The following EPHA7 variants were observed in gnomAD, a reference collection of about 807,000 sequenced individuals.
The protein encoded by EPHA7 is EPH receptor A7, also known as ephrin type-A receptor 7.
In EPHA7, 25 loss-of-function variants were observed where a neutral mutation model predicts 112.6. The observed-to-expected ratio is 0.22, with a 90% confidence interval of 0.16 to 0.31. The LOEUF is 0.31. Ranked by LOEUF, EPHA7 falls within the 10% of genes least tolerant of loss-of-function variation. The probability of loss-of-function intolerance (pLI) is 1.00; values close to 1 mark genes in which losing one functional copy is unlikely to be tolerated. For missense variants in EPHA7, 962 were observed against 1,212.6 expected (o/e 0.79, Z 3.07); for synonymous variants, 437 against 406.5 (o/e 1.07, Z -0.90).
intron 3 of EPHA7, among the ~76,000 whole-genome samples, chr6:93,392,157 A>C (rs1777941872): frequency 6.6e-6 from 1 of 152,108 alleles, no homozygotes; most frequent in South Asian, 2.1e-4. Context: ...ATGCTGACAA[A>C]GCAGTGAAGA....
In EPHA7 at chr6:93,332,353, C is replaced by T. The variant is rs551132444; in HGVS notation, c.1324+24364G>A. Among the ~76,000 whole-genome samples, 18 of 151,558 alleles carry T rather than the reference C, an allele frequency of 1.2e-4. No individual in the cohort carries two copies. The South Asian group carries it at 2.3e-3, about 19-fold the overall frequency. On this transcript the variant is annotated intron_variant, in intron 5 of 16. Transcript: ENST00000369303. ...ATGGTAACTATAACTCTTTTCACCC[C>T]AACTCAGGCAAATTATATTTCTAGT...
chr6:93,334,340 C>A (rs1774749972), intron 5 of EPHA7, among the ~76,000 whole-genome samples: 1 of 151,626 alleles, frequency 6.6e-6, no homozygotes, highest in Admixed American at 6.6e-5. Flanking sequence ...TAGGCCCTGG[C>A]AAAGATTTCA....
chr6:93,391,994 T>C lies in EPHA7; in HGVS notation c.832+18507A>G, dbSNP rs186505362. On this transcript the variant is annotated intron_variant, in intron 3 of 16. Coordinates refer to ENST00000369303, the MANE Select transcript of EPHA7 (RefSeq NM_004440.4). ...TTAGACTCAATTTCCTTAAATAAAA[T>C]GGAATAATCTAAATTTTTTAAATCA... is the stretch of plus-strand genomic sequence containing the variant. Among the ~76,000 whole-genome samples, 541 of 152,050 alleles carry C rather than the reference T, an allele frequency of 3.6e-3. 4 individuals are homozygous for C. Among genetic ancestry groups the C allele is most frequent in the African/African-American group, 0.012 (494 of 41,538 alleles).
intron 5 of EPHA7, among the ~76,000 whole-genome samples, chr6:93,338,503 A>C (rs1008305887): frequency 6.6e-6 from 1 of 152,164 alleles, no homozygotes; most frequent in East Asian, 1.9e-4. Context: ...TCGGTATTCC[A>C]ATAAATCATG....
chr6:93,390,026 G>A (rs960454038), intron 3 of EPHA7, among the ~76,000 whole-genome samples: 1 of 151,754 alleles, frequency 6.6e-6, no homozygotes. Flanking sequence ...ATAATACAGG[G>A]TTCTGGTTTA....
chr6:93,386,859 T>C (rs1323894573), intron 3 of EPHA7, among the ~76,000 whole-genome samples: 1 of 152,096 alleles, frequency 6.6e-6, no homozygotes, highest in Admixed American at 6.6e-5. Context: ...TGGCCCCTTT[T>C]AGCCACAGAT....
At chr6:93,249,789 GC>G (rs1459665458) in intron 14 of EPHA7, among the ~76,000 whole-genome samples, 1 of 151,920 alleles carries the variant, frequency 6.6e-6, no homozygotes, top group Non-Finnish European at 1.5e-5. Context: ...ATCTTATCAT[GC>G]CCTCTTGACA....
chr6:93,255,767 T>A lies in EPHA7; in HGVS notation c.2382+61A>T, dbSNP rs893873649. ...TGTTTAGTTTTACATTATTAGGTCC[T>A]GCTTTCGTGGTAGAAAAATCTTAAG... On this transcript the variant is annotated intron_variant, in intron 13 of 16. Transcript: ENST00000369303. 1.9e-5 allele frequency: 27 copies of A among 1,441,850 alleles called. No individual in the cohort carries two copies. In the African/African-American group the frequency reaches 3.5e-4, roughly 19 times the overall value. 89.3% of individuals were successfully genotyped at this position (1,441,850 alleles called of 1,614,324 possible). A position where few individuals can be genotyped will look rare whatever the true frequency, so the allele number is the denominator to read the frequency against.
chr6:93,349,808 G>T lies in EPHA7; in HGVS notation c.1324+6909C>A, dbSNP rs114609615. Among the ~76,000 whole-genome samples, 484 of 151,908 alleles carry T rather than the reference G, an allele frequency of 3.2e-3. 8 individuals are homozygous for T. The highest frequency in any genetic ancestry group is 0.011 in the African/African-American group (464 of 41,494). ...TTAAAAGACATATAACTTGATGTGT[G>T]TCCATTAAATCATTGAAAAGAGACG... On this transcript the variant is annotated intron_variant, in intron 5 of 16. Coordinates refer to ENST00000369303, the MANE Select transcript of EPHA7 (RefSeq NM_004440.4).
chr6:93,329,957 G>T (rs1013867234), intron 5 of EPHA7, among the ~76,000 whole-genome samples: 8 of 151,234 alleles, frequency 5.3e-5, no homozygotes, highest in African/African-American at 1.9e-4. Context: ...TAAAGTATAA[G>T]CAGGTTTATC....
At chr6:93,273,232 G>A (rs569201578) in intron 5 of EPHA7, among the ~76,000 whole-genome samples, 4 of 151,818 alleles carry the variant, frequency 2.6e-5, no homozygotes, top group African/African-American at 7.3e-5. Flanking sequence ...TAATTTGCTC[G>A]TCTAATTTGC....
chr6:93,259,331 C>T (rs562873299), intron 10 of EPHA7, 23 bp downstream of exon 10: 18 of 1,609,396 alleles, frequency 1.1e-5, no homozygotes, highest in East Asian at 8.9e-5. Flanking sequence ...AACAGCTGAA[C>T]GAGGAAGCTA....
chr6:93,412,226 A>G (rs1295454593), intron 2 of EPHA7, among the ~76,000 whole-genome samples: 3 of 152,084 alleles, frequency 2.0e-5, no homozygotes, highest in Non-Finnish European at 4.4e-5. Context: ...AAAAATTCAA[A>G]TACAAAACAT....
chr6:93,302,265 T>G (rs929785308), intron 5 of EPHA7, among the ~76,000 whole-genome samples: 1 of 152,126 alleles, frequency 6.6e-6, no homozygotes, highest in African/African-American at 2.4e-5. Flanking sequence ...AGTCCCTAGC[T>G]CACTGACATT....
chr6:93,280,231 A>C (rs1322669555), intron 5 of EPHA7, among the ~76,000 whole-genome samples: 1 of 152,194 alleles, frequency 6.6e-6, no homozygotes, highest in Non-Finnish European at 1.5e-5. Context: ...TAAAGAGCAA[A>C]ACACACAGAA....
intron 3 of EPHA7, among the ~76,000 whole-genome samples, chr6:93,371,532 G>A (rs955702089): frequency 2.6e-5 from 4 of 152,112 alleles, no homozygotes; most frequent in African/African-American, 9.7e-5. Flanking sequence ...AATGACAAGC[G>A]CTACAAAGTA....
intron 5 of EPHA7, among the ~76,000 whole-genome samples, chr6:93,316,744 T>C (rs1236315789): frequency 6.6e-6 from 1 of 152,172 alleles, no homozygotes; most frequent in East Asian, 1.9e-4. Context: ...AGAAGGATTA[T>C]ATATTTTCAA....
At chr6:93,316,528 C>T (rs899248609) in intron 5 of EPHA7, among the ~76,000 whole-genome samples, 8 of 152,050 alleles carry the variant, frequency 5.3e-5, no homozygotes. Context: ...GTGTGTAACA[C>T]TATTTCTGTG....
intron 15 of EPHA7, among the ~76,000 whole-genome samples, chr6:93,246,058 C>CT (rs368442114): frequency 0.069 from 10,151 of 148,162 alleles, 481 homozygotes; most frequent in Admixed American, 0.13. Context: ...TTTTTCTTTT[C>CT]TTTTTTTTTT....
Sources: allele counts gnomAD v4.1 joint callset (sites outside exome capture counted in the v4.1 genomes callset), GRCh38; gene constraint gnomAD v4.1.1; transcripts MANE v1.5; gene names NCBI Gene and HGNC (gene_info 2026-07-23, HGNC 2026-07-21).